NEB: variants seen among roughly 807,000 people sequenced by gnomAD.
The protein encoded by NEB is nemaline myopathy type 2.
Under a neutral mutation model 952.2 loss-of-function variants are expected in NEB, and 512 were observed. The observed-to-expected ratio is 0.54, with a 90% CI of 0.50 to 0.58. The LOEUF (loss-of-function observed/expected upper bound fraction) is 0.58, where lower values mean the gene tolerates loss of function less well. NEB is among the 20% of genes least tolerant of loss of function. The pLI, the probability that NEB is intolerant of heterozygous loss-of-function variation, is 0.00. For missense variants in NEB, 8,428 were observed against 9,231.1 expected, an observed-to-expected ratio of 0.91 and a Z score of 3.56; for synonymous variants, 2,900 against 3,149.8, an observed-to-expected ratio of 0.92 and a Z score of 2.66.
chr2:151,511,846 G>A (rs139548236), intron 161 of NEB, among the ~76,000 whole-genome samples: 54 of 152,264 alleles, frequency 3.5e-4, no homozygotes, highest in African/African-American at 1.1e-3. Context: ...TAATCCAAAT[G>A]TGGGCTACTT....
intron 153 of NEB, among the ~76,000 whole-genome samples, chr2:151,522,635 G>A (rs978981562): frequency 7.9e-5 from 12 of 152,168 alleles, no homozygotes; most frequent in African/African-American, 2.9e-4. Flanking sequence ...AAAATCAACA[G>A]AAAAGAATGC....
intron 48 of NEB, 143 bp downstream of exon 48, chr2:151,657,840 C>G: frequency 1.5e-6 from 1 of 649,114 alleles, no homozygotes; most frequent in Non-Finnish European, 2.6e-6. Flanking sequence ...AGAGAAAACA[C>G]AAAAGCAAGG....
At chr2:151,504,463 G>T (rs1207173633) in intron 165 of NEB, among the ~76,000 whole-genome samples, 1 of 152,136 alleles carries the variant, frequency 6.6e-6, no homozygotes, top group Non-Finnish European at 1.5e-5. Flanking sequence ...CTTATTAGAG[G>T]ACACAAAACT....
At chr2:151,679,667 A>AACCCCC in intron 32 of NEB, 54 bp downstream of exon 32, 1 of 486,368 alleles carries the variant, frequency 2.1e-6, no homozygotes, top group Non-Finnish European at 4.1e-6. Flanking sequence ...TCAGACCCCA[A>AACCCCC]GCCCACCCAC....
rs1270421353 is a variant in NEB at position 151,655,930 on chromosome 2, C to T, written c.6589G>A (p.Glu2197Lys). ...LEVEKAKKAT[E>K]YASDQKYRQH... is the part of the protein sequence containing the mutation. ...CGGTATTTCTGATCACTGGCATATT[C>T]AGTTGCTTTCTTGGCCTTCTCCACT... The change falls in exon 50 of 182, where the codon GAA becomes AAA. Residue 2197 changes from glutamate to lysine, a missense_variant. Coordinates refer to ENST00000397345, the MANE Select transcript of NEB (RefSeq NM_001164508.2). 1 of 1,613,804 alleles carries T rather than the reference C, an allele frequency of 6.2e-7. No homozygotes were observed. The highest frequency in any genetic ancestry group is 1.1e-5 in the South Asian group (1 of 91,088).
At chr2:151,539,243 GATA>G (rs1378300990) in intron 138 of NEB, among the ~76,000 whole-genome samples, 2 of 152,188 alleles carry the variant, frequency 1.3e-5, no homozygotes, top group African/African-American at 4.8e-5. Flanking sequence ...ACTTTGAAGT[GATA>G]ATGATGAAGG....
rs374227241 is a variant in NEB, at chr2:151,724,370, C to A, written c.508-6G>T. The A allele has an allele frequency of 1.9e-6, 3 of 1,597,124 alleles. No homozygotes were observed. The highest frequency in any genetic ancestry group is 2.2e-5 in the East Asian group (1 of 44,624). On this transcript the variant is annotated splice_region_variant and splice_polypyrimidine_tract_variant and intron_variant, in intron 7 of 181. Coordinates refer to ENST00000397345, the MANE Select transcript of NEB (RefSeq NM_001164508.2). ...CAGTTCTGCTTGTATAAAACCTAGA[C>A]AGAAGGAGCAGAGGATCTGTGGCTT...
chr2:151,694,061 A>G (rs2099577854), intron 20 of NEB, among the ~76,000 whole-genome samples: 1 of 152,226 alleles, frequency 6.6e-6, no homozygotes, highest in Non-Finnish European at 1.5e-5. Context: ...AATAAAAACA[A>G]TGATATTGGC....
At chr2:151,691,608 T>C (rs918651163) in intron 23 of NEB, among the ~76,000 whole-genome samples, 2 of 152,204 alleles carry the variant, frequency 1.3e-5, no homozygotes, top group Admixed American at 1.3e-4. Context: ...TAAATCTGCA[T>C]GTCCTTCTTT....
intron 54 of NEB, among the ~76,000 whole-genome samples, chr2:151,649,177 C>A (rs1315185310): frequency 6.6e-6 from 1 of 152,086 alleles, no homozygotes; most frequent in Non-Finnish European, 1.5e-5. Flanking sequence ...ATTCTGTCAT[C>A]ATAAAAATAG....
intron 60 of NEB, among the ~76,000 whole-genome samples, 184 bp downstream of exon 60, chr2:151,642,390 C>T (rs1032211807): frequency 3.3e-5 from 5 of 152,206 alleles, no homozygotes. Flanking sequence ...ATGGACTCAA[C>T]AATAACTTGA....
chr2:151,540,089 G>A (rs1261573164), intron 138 of NEB, among the ~76,000 whole-genome samples: 1 of 152,130 alleles, frequency 6.6e-6, no homozygotes, highest in Non-Finnish European at 1.5e-5. Flanking sequence ...CCCAGAAAAT[G>A]CTGCTGAAGA....
intron 40 of NEB, among the ~76,000 whole-genome samples, chr2:151,666,714 T>C (rs778944379): frequency 1.4e-4 from 22 of 152,048 alleles, no homozygotes; most frequent in Non-Finnish European, 2.9e-4. Flanking sequence ...TTTTTTTGTT[T>C]TTTGGTTTTT....
chr2:151,508,668 T>TTGA (rs1327540691), intron 161 of NEB, among the ~76,000 whole-genome samples: 2 of 152,234 alleles, frequency 1.3e-5, no homozygotes, highest in Non-Finnish European at 2.9e-5. Context: ...AATATGGCTC[T>TTGA]TGATGCTGCA....
At chr2:151,725,934 A>G (rs555424690) in intron 5 of NEB, among the ~76,000 whole-genome samples, 46 of 152,350 alleles carry the variant, frequency 3.0e-4, no homozygotes, top group African/African-American at 1.0e-3. Context: ...ATACAATGCA[A>G]AAATATTCAA....
chr2:151,617,559 C>G, intron 74 of NEB, 91 bp from the exon 75 acceptor site: 1 of 710,560 alleles, frequency 1.4e-6, no homozygotes, highest in Middle Eastern at 4.1e-4. Flanking sequence ...CCAGTCATCT[C>G]TCTTGTATAC....
chr2:151,726,005 G>A (rs1033112398), intron 5 of NEB, among the ~76,000 whole-genome samples: 5 of 152,164 alleles, frequency 3.3e-5, no homozygotes, highest in Non-Finnish European at 7.3e-5. Flanking sequence ...TGAATTAATG[G>A]CAGATCTGAA....
Position 151,529,198 on chromosome 2 carries a change from T to G in NEB, c.21735+12A>C, listed in dbSNP as rs1187978521. ...ATCCCCCACCATGCTTGGGGAAGTT[T>G]CTGGAACTTACATTGGTGTTGACTT... is the stretch of plus-strand genomic sequence containing the variant. On this transcript the variant is annotated intron_variant, in intron 146 of 181. Transcript: ENST00000397345. 3.2e-6 allele frequency: 5 copies of G among 1,583,050 alleles called. No homozygotes were observed. Among genetic ancestry groups the G allele is most frequent in the Non-Finnish European group, 4.3e-6 (5 of 1,151,922 alleles).
rs1043213585 is a variant in NEB at position 151,499,334 on chromosome 2, C to T, written c.24078G>A (p.Met8026Ile). ...TTTCTTGATTGTGTTTGACTCTCTC[C>T]ATCTCTGGAGTGATGGGGATTGGAA... is the stretch of plus-strand genomic sequence containing the variant. ...KGIPIPITPEMERVKHNQENF... is the reference protein window; with the variant it reads ...KGIPIPITPEIERVKHNQENF... Residue 8026 changes from methionine to isoleucine, a missense_variant, in exon 169 of 182, where the codon ATG becomes ATA. Met to Ile is a conservative substitution (Grantham distance 10). Transcript: ENST00000397345. The T allele has an allele frequency of 1.9e-6, 3 of 1,542,528 alleles. No individual in the cohort carries two copies. In the Admixed American group the frequency reaches 6.0e-5, roughly 31 times the overall value.
Sources: allele counts gnomAD v4.1 joint callset (sites outside exome capture counted in the v4.1 genomes callset), GRCh38; gene constraint gnomAD v4.1.1; transcripts MANE v1.5; gene names NCBI Gene and HGNC (gene_info 2026-07-23, HGNC 2026-07-21).